Variants in TGIF2 observed in about 807,000 individuals in gnomAD.
TGIF2 encodes TGFB induced factor homeobox 2, also known as homeobox protein TGIF2.
A neutral mutation model predicts 15.1 loss-of-function variants in TGIF2; 5 were observed. The observed-to-expected ratio is 0.33, with a 90% CI of 0.17 to 0.70. TGIF2 has a LOEUF of 0.70. Ranked by LOEUF, TGIF2 falls within the 30% of genes least tolerant of loss-of-function variation. TGIF2 has a pLI of 0.67. For synonymous variants in TGIF2, 131 were observed against 128.9 expected, an observed-to-expected ratio of 1.02 and a Z score of -0.11; for missense variants, 264 against 302.5, an observed-to-expected ratio of 0.87 and a Z score of 0.94.
chr20:36,589,355 C>T (rs1031623731), intron 2 of TGIF2, among the ~76,000 whole-genome samples: 1 of 151,826 alleles, frequency 6.6e-6, no homozygotes, highest in African/African-American at 2.4e-5. Flanking sequence ...GAGCAAGAAG[C>T]CTTGAAGAGC....
chr20:36,583,269 CAAAA>C (rs113049516), intron 2 of TGIF2, among the ~76,000 whole-genome samples: 6 of 132,750 alleles, frequency 4.5e-5, no homozygotes, highest in East Asian at 4.5e-4. Context: ...AAAACTGTCT[CAAAA>C]AAAAAAAACA....
In TGIF2 at chr20:36,593,679, G is replaced by A. The variant is rs890544075; in HGVS notation, c.*2248G>A. 3 of 152,644 alleles carry A rather than the reference G, an allele frequency of 2.0e-5. No homozygotes were observed. The highest frequency in any genetic ancestry group is 7.2e-5 in the African/African-American group (3 of 41,430). 9.5% of individuals were successfully genotyped at this position (152,644 alleles called of 1,614,324 possible). On this transcript the variant is annotated 3_prime_UTR_variant, in exon 3 of 3. Transcript: ENST00000373872. The stretch of plus-strand genomic sequence containing the variant: ...AGGATGCCTGTAGTAGGGAACTCTG[G>A]AAGTGTATTGGGCTGAGGTGGGATT...
intron 2 of TGIF2, among the ~76,000 whole-genome samples, chr20:36,587,302 T>C (rs1372979997): frequency 6.6e-6 from 1 of 151,638 alleles, no homozygotes; most frequent in Admixed American, 6.6e-5. Flanking sequence ...TGTGGAGGGG[T>C]GTTTTTCTGT....
chr20:36,590,953 A>T lies in TGIF2; in HGVS notation c.236A>T (p.Asp79Val), dbSNP rs778754922. 4.6e-6 allele frequency: 7 copies of T among 1,527,380 alleles called. No individual in the cohort carries two copies. Among genetic ancestry groups the T allele is most frequent in the Non-Finnish European group, 6.2e-6 (7 of 1,134,700 alleles). The allele number at this position is 1,527,380 out of a possible 1,614,324, so 94.6% of individuals were successfully genotyped here. Residue 79 changes from aspartate to valine, a missense_variant, in exon 3 of 3, where the codon GAC becomes GTC. Physicochemically the swap from Asp to Val is radical, Grantham distance 152. Transcript: ENST00000373872. ...AATGCCCGGCGGCGGCTTCTCCCAG[A>T]CATGCTTCGGAAGGATGGCAAAGAC... is the stretch of plus-strand genomic sequence containing the variant. ...FINARRRLLP[D>V]MLRKDGKDPN... is the part of the protein sequence containing the mutation.
intron 2 of TGIF2, among the ~76,000 whole-genome samples, chr20:36,589,131 T>C (rs546692053): frequency 6.6e-6 from 1 of 152,344 alleles, no homozygotes; most frequent in South Asian, 2.1e-4. Flanking sequence ...AACCCTTAGC[T>C]ATGGGAGTTT....
chr20:36,580,209 A>T (rs2038516013), intron 2 of TGIF2, among the ~76,000 whole-genome samples: 1 of 151,216 alleles, frequency 6.6e-6, no homozygotes, highest in Non-Finnish European at 1.5e-5. Flanking sequence ...CCCTTATCCC[A>T]CTCTGAACCT....
intron 1 of TGIF2, among the ~76,000 whole-genome samples, chr20:36,578,156 C>T (rs1304341314): frequency 6.6e-6 from 1 of 151,910 alleles, no homozygotes; most frequent in Non-Finnish European, 1.5e-5. Flanking sequence ...CTCACGCTTG[C>T]AATCCCAGCA....
chr20:36,574,404 C>A lies in TGIF2; in HGVS notation c.-35+659C>A, dbSNP rs2038368248. 6.3e-5 allele frequency: 3 copies of A among 47,340 alleles called. No homozygotes were observed. The Admixed American group carries it at 9.9e-4, about 16-fold the overall frequency. 2.9% of individuals were successfully genotyped at this position (47,340 alleles called of 1,614,324 possible). A position where few individuals can be genotyped will look rare whatever the true frequency, so the allele number is the denominator to read the frequency against. Reference sequence around the variant, plus strand: ...CGGGAGAAGCGCGTAGTCTCCGGGGCAGGGGGCGGCCAACATGGAGTCTGG... The same window carrying A: ...CGGGAGAAGCGCGTAGTCTCCGGGGAAGGGGGCGGCCAACATGGAGTCTGG... On this transcript the variant is annotated intron_variant, in intron 1 of 2. Coordinates refer to ENST00000373872, the MANE Select transcript of TGIF2 (RefSeq NM_021809.7).
chr20:36,583,239 A>G (rs907677725), intron 2 of TGIF2, among the ~76,000 whole-genome samples: 3 of 151,030 alleles, frequency 2.0e-5, no homozygotes, highest in Non-Finnish European at 2.9e-5. Flanking sequence ...GCACCACTGC[A>G]CTCCAGCCTG....
intron 2 of TGIF2, 51 bp downstream of exon 2, chr20:36,579,017 C>T: frequency 6.3e-7 from 1 of 1,576,258 alleles, no homozygotes; most frequent in Non-Finnish European, 8.6e-7. Flanking sequence ...GGGTTCTAGT[C>T]CTATTCCAGC....
At chr20:36,574,380 G>C (rs1427935980) in intron 1 of TGIF2, among the ~76,000 whole-genome samples, 1 of 150,780 alleles carries the variant, frequency 6.6e-6, no homozygotes, top group African/African-American at 2.4e-5. Context: ...AGCCTCCCGC[G>C]GGAGAAGCGC....
chr20:36,583,494 C>T (rs964160639), intron 2 of TGIF2, among the ~76,000 whole-genome samples: 1 of 151,044 alleles, frequency 6.6e-6, no homozygotes, highest in East Asian at 2.0e-4. Context: ...GGCACTGTGG[C>T]TTATGCCTGT....
chr20:36,576,411 G>A (rs912466911), intron 1 of TGIF2, among the ~76,000 whole-genome samples: 4 of 152,182 alleles, frequency 2.6e-5, no homozygotes, highest in African/African-American at 9.7e-5. Context: ...AAGGTACACA[G>A]TAGGTGCTCC....
At chr20:36,581,159 T>C (rs1457463227) in intron 2 of TGIF2, among the ~76,000 whole-genome samples, 1 of 152,128 alleles carries the variant, frequency 6.6e-6, no homozygotes, top group Non-Finnish European at 1.5e-5. Flanking sequence ...GTGTTTGGCA[T>C]ACAGTGGGTG....
rs1569533201 is a variant in TGIF2, at chr20:36,592,804, GT to G, written c.*1379del. ...CCCCCATTTTTTCTTTTGCTGTTTT[GT>G]TTTTTGTTTTTTGTTTGTTTGTTTG... On this transcript the variant is annotated 3_prime_UTR_variant, in exon 3 of 3. Coordinates refer to ENST00000373872, the MANE Select transcript of TGIF2 (RefSeq NM_021809.7). 6.4e-6 allele frequency: 1 copy of G among 157,302 alleles called. No homozygotes were observed. The highest frequency in any genetic ancestry group is 1.4e-5 in the Non-Finnish European group (1 of 72,312). The allele number at this position is 157,302 out of a possible 1,614,324, so 9.7% of individuals were successfully genotyped here.
intron 1 of TGIF2, among the ~76,000 whole-genome samples, chr20:36,578,188 AG>A (rs2147922701): frequency 1.3e-5 from 2 of 152,192 alleles, no homozygotes; most frequent in Non-Finnish European, 2.9e-5. Flanking sequence ...TGAGGCTGCT[AG>A]ATCTCTTGAG....
Position 36,578,822 on chromosome 20 carries a change from G to T in TGIF2, c.48G>T (p.Ala16=), listed in dbSNP as rs748658479. The T allele has an allele frequency of 1.9e-6, 3 of 1,614,134 alleles. No individual in the cohort carries two copies. Among genetic ancestry groups the T allele is most frequent in the African/African-American group, 2.7e-5 (2 of 75,056 alleles). Reference sequence around the variant, plus strand: ...AGGACGAAGGCCTCCTCTCCCTGGCGGGCAAAAGGAAGCGCAGGGGGAACC... The same window carrying T: ...AGGACGAAGGCCTCCTCTCCCTGGCTGGCAAAAGGAAGCGCAGGGGGAACC... The part of the protein sequence containing the change: ...LGEDEGLLSL[A]GKRKRRGNLP... Residue 16 remains alanine, a synonymous_variant, in exon 2 of 3, where the codon GCG becomes GCT. Transcript: ENST00000373872.
chr20:36,591,454 A>G lies in TGIF2; in HGVS notation c.*23A>G, dbSNP rs757538538. On this transcript the variant is annotated 3_prime_UTR_variant, in exon 3 of 3. Coordinates refer to ENST00000373872, the MANE Select transcript of TGIF2 (RefSeq NM_021809.7). The surrounding 1 kb of genome is among the most constrained non-coding windows in gnomAD (Gnocchi z 5.3). ...TAGGCATCTGCCAAGAAGGGTGCTG[A>G]AGGCTCCAGCCAGCTGTCCTGGGTT... The G allele has an allele frequency of 1.9e-6, 3 of 1,578,426 alleles. No individual in the cohort carries two copies.
intron 2 of TGIF2, among the ~76,000 whole-genome samples, chr20:36,588,351 CCTTCT>C (rs2038701696): frequency 7.2e-6 from 1 of 138,856 alleles, no homozygotes; most frequent in Non-Finnish European, 1.5e-5. Context: ...TTGAGCCCTT[CCTTCT>C]TTTTTTTTTT....
Sources: gnomAD v4.1 joint callset for allele counts (sites outside exome capture counted in the v4.1 genomes callset) on GRCh38, gnomAD v4.1.1 for gene constraint, Gnocchi (gnomAD v3.1) non-coding constraint, MANE v1.5 for transcripts, NCBI Gene and HGNC (gene_info 2026-07-23, HGNC 2026-07-21) for gene names.